The following BCKDHB variants were observed in gnomAD, a reference collection of about 807,000 sequenced individuals.
BCKDHB encodes the protein 2-oxoisovalerate dehydrogenase subunit beta, mitochondrial.
A neutral mutation model predicts 48.5 loss-of-function variants in BCKDHB; 41 were observed. That is an observed-to-expected ratio of 0.85 (90% confidence interval 0.66 to 1.10). The LOEUF (loss-of-function observed/expected upper bound fraction) is 1.10. BCKDHB is among the 50% of genes least tolerant of loss of function. BCKDHB has a pLI of 0.00. For missense variants in BCKDHB, 496 were observed against 494.2 expected (o/e 1.00, Z -0.03); for synonymous variants, 201 against 174.8 (o/e 1.15, Z -1.18).
At chr6:80,380,413 C>T in the BCKDHB span, among the ~76,000 whole-genome samples, 3 of 151,866 alleles carry the variant, frequency 2.0e-5, no homozygotes, top group Admixed American at 6.6e-5. Flanking sequence ...ATCCCTCTCT[C>T]TTACTATATA....
chr6:80,172,074 G>A (rs539458095), intron 6 of BCKDHB, among the ~76,000 whole-genome samples: 59 of 152,166 alleles, frequency 3.9e-4, no homozygotes, highest in Admixed American at 2.7e-3. Flanking sequence ...ATCAGATTAG[G>A]TGTACATGTG....
chr6:80,166,976 A>G (rs1422905166), intron 3 of BCKDHB, among the ~76,000 whole-genome samples: 1 of 152,116 alleles, frequency 6.6e-6, no homozygotes, highest in East Asian at 1.9e-4. Flanking sequence ...TAAGACTAGT[A>G]CATTAAAAAA....
intron 5 of BCKDHB, 126 bp downstream of exon 5, chr6:80,169,156 A>G: frequency 7.8e-7 from 1 of 1,284,782 alleles, no homozygotes; most frequent in East Asian, 2.4e-5. Context: ...ATGTGAACTT[A>G]ACTGTATTTA....
At chr6:80,410,776 G>A in the BCKDHB span, among the ~76,000 whole-genome samples, 1 of 152,124 alleles carries the variant, frequency 6.6e-6, no homozygotes, top group African/African-American at 2.4e-5. Flanking sequence ...TTCTCTTGCT[G>A]TGATTTTCAG....
chr6:80,288,627 C>T (rs1448880661), intron 9 of BCKDHB, among the ~76,000 whole-genome samples: 3 of 151,580 alleles, frequency 2.0e-5, no homozygotes, highest in Non-Finnish European at 4.4e-5. Context: ...GTAGATACCC[C>T]TCCCCTGAGT....
intron 3 of BCKDHB, among the ~76,000 whole-genome samples, chr6:80,140,590 A>G (rs1195524301): frequency 2.6e-5 from 4 of 151,900 alleles, no homozygotes; most frequent in Admixed American, 6.6e-5. Flanking sequence ...GGTTCTGTTT[A>G]TATGCTGGAT....
rs557018022 is a variant in BCKDHB, at chr6:80,125,066, T to C, written c.197-2481T>C. Among the ~76,000 whole-genome samples, 6 of 152,350 alleles carry C rather than the reference T, an allele frequency of 3.9e-5. No individual in the cohort carries two copies. The South Asian group carries it at 1.2e-3, about 32-fold the overall frequency. ...TCCAATAGAAGCTGTTTTGTCTCCATTGAAAATCTTTTGTTTAGTATAGCC... is the reference window on the plus strand; with the variant it reads ...TCCAATAGAAGCTGTTTTGTCTCCACTGAAAATCTTTTGTTTAGTATAGCC... On this transcript the variant is annotated intron_variant, in intron 1 of 9. Coordinates refer to ENST00000320393, the MANE Select transcript of BCKDHB (RefSeq NM_183050.4).
intron 8 of BCKDHB, among the ~76,000 whole-genome samples, chr6:80,270,350 A>G (rs1005829731): frequency 3.3e-5 from 5 of 152,098 alleles, no homozygotes; most frequent in Non-Finnish European, 7.4e-5. Context: ...GTGCTTTCCA[A>G]ATTAAGTGAA....
At position 80,343,936 on chromosome 6, in the gene BCKDHB, C is replaced by A; in HGVS notation, c.*132C>A. 8.9e-7 allele frequency: 1 copy of A among 1,127,738 alleles called. No individual in the cohort carries two copies. Among genetic ancestry groups the A allele is most frequent in the Non-Finnish European group, 1.3e-6 (1 of 752,434 alleles). The allele number at this position is 1,127,738 out of a possible 1,614,324, so 69.9% of individuals were successfully genotyped here. A position where few individuals can be genotyped will look rare whatever the true frequency, so the allele number is the denominator to read the frequency against. ...TGATGGTAAAGTTGGTAAAAGGCAA[C>A]TTTCAGAAGAAAATAATGTGCTTTA... On this transcript the variant is annotated 3_prime_UTR_variant, in exon 10 of 10. Coordinates refer to ENST00000320393, the MANE Select transcript of BCKDHB (RefSeq NM_183050.4).
chr6:80,319,212 T>C (rs1372372660), intron 9 of BCKDHB, among the ~76,000 whole-genome samples: 2 of 152,208 alleles, frequency 1.3e-5, no homozygotes, highest in Admixed American at 6.5e-5. Flanking sequence ...TCTGCATTGC[T>C]CTTCTCACTG....
the BCKDHB span, among the ~76,000 whole-genome samples, chr6:80,401,096 A>C: frequency 6.8e-6 from 1 of 147,206 alleles, no homozygotes; most frequent in African/African-American, 2.7e-5. Context: ...GAAGATAAGA[A>C]AAAATAGTCA....
the BCKDHB span, among the ~76,000 whole-genome samples, chr6:80,445,510 G>A: frequency 4.2e-3 from 635 of 152,228 alleles, 3 homozygotes; most frequent in Middle Eastern, 0.017. Context: ...GACTTACAAG[G>A]CAGAGGTCAG....
chr6:80,441,701 G>T, the BCKDHB span, among the ~76,000 whole-genome samples: 2 of 151,998 alleles, frequency 1.3e-5, no homozygotes, highest in Non-Finnish European at 2.9e-5. Flanking sequence ...CATTGAAATT[G>T]CTGTCATCAT....
chr6:80,248,797 GT>G (rs1776717069), intron 8 of BCKDHB, among the ~76,000 whole-genome samples: 1 of 152,150 alleles, frequency 6.6e-6, no homozygotes, highest in African/African-American at 2.4e-5. Flanking sequence ...AGCCAAGGGA[GT>G]GAATGAAAGA....
the BCKDHB span, among the ~76,000 whole-genome samples, chr6:80,432,057 G>T: frequency 1.3e-5 from 2 of 152,006 alleles, no homozygotes; most frequent in East Asian, 4.0e-4. Flanking sequence ...TCTGCAGAGA[G>T]ATCCACTGTT....
the BCKDHB span, among the ~76,000 whole-genome samples, chr6:80,373,129 G>C: frequency 6.6e-6 from 1 of 151,944 alleles, no homozygotes; most frequent in South Asian, 2.1e-4. Flanking sequence ...CTTACTGCTT[G>C]TTATTTGTCT....
intron 8 of BCKDHB, among the ~76,000 whole-genome samples, chr6:80,253,736 T>C (rs1480939917): frequency 6.6e-6 from 1 of 152,134 alleles, no homozygotes; most frequent in Non-Finnish European, 1.5e-5. Flanking sequence ...AAGTCATAGC[T>C]ATATTTATAG....
At chr6:80,377,424 C>T in the BCKDHB span, among the ~76,000 whole-genome samples, 237 of 152,052 alleles carry the variant, frequency 1.6e-3, 2 homozygotes, top group African/African-American at 5.3e-3. Flanking sequence ...TTGCCAAAGC[C>T]GAGTTCATGC....
At chr6:80,163,699 A>T (rs907372997) in intron 3 of BCKDHB, among the ~76,000 whole-genome samples, 3 of 152,202 alleles carry the variant, frequency 2.0e-5, no homozygotes, top group Non-Finnish European at 4.4e-5. Flanking sequence ...TGATAGCTCT[A>T]CCTGAATATC....
Sources: allele counts gnomAD v4.1 joint callset (sites outside exome capture counted in the v4.1 genomes callset), GRCh38; gene constraint gnomAD v4.1.1; transcripts MANE v1.5; gene names NCBI Gene and HGNC (gene_info 2026-07-23, HGNC 2026-07-21).